The following PITPNC1 variants were observed in gnomAD, a reference collection of about 807,000 sequenced individuals.
The protein encoded by PITPNC1 is phosphatidylinositol transfer protein cytoplasmic 1.
A neutral mutation model predicts 44.7 loss-of-function variants in PITPNC1; 18 were observed. The ratio of observed to expected loss-of-function variants is 0.40; its 90% CI spans 0.28 to 0.60. The LOEUF (loss-of-function observed/expected upper bound fraction) is 0.60. PITPNC1 is among the 20% of genes least tolerant of loss of function. PITPNC1 has a pLI of 0.39. For synonymous variants in PITPNC1, 141 were observed against 149.6 expected (o/e 0.94, Z 0.42); for missense variants, 290 against 418.4 (o/e 0.69, Z 2.68).
chr17:67,459,288 T>A lies in PITPNC1; in HGVS notation c.49-73514T>A, dbSNP rs1274623545. ...GTGGGCCACCACATCCAGCTAATTT[T>A]GTATTTTTAGTAGAGAAGGGGTTTC... is the stretch of plus-strand genomic sequence containing the variant. On this transcript the variant is annotated intron_variant, in intron 1 of 8. Transcript: ENST00000581322. 3.3e-5 allele frequency among the ~76,000 whole-genome samples: 5 copies of A among 152,006 alleles called. No individual in the cohort carries two copies. In the East Asian group the frequency reaches 9.6e-4, roughly 29 times the overall value.
At chr17:67,387,689 C>A (rs968167128) in intron 1 of PITPNC1, among the ~76,000 whole-genome samples, 1 of 152,092 alleles carries the variant, frequency 6.6e-6, no homozygotes, top group East Asian at 1.9e-4. Context: ...ATAAAATAAT[C>A]TTTTCCTTAA....
At chr17:67,469,527 C>T (rs1478690419) in intron 1 of PITPNC1, among the ~76,000 whole-genome samples, 1 of 152,186 alleles carries the variant, frequency 6.6e-6, no homozygotes, top group African/African-American at 2.4e-5. Flanking sequence ...TCCTCCTCAG[C>T]GTCCTGAGCC....
chr17:67,616,472 G>A (rs2041758965), intron 5 of PITPNC1, among the ~76,000 whole-genome samples: 1 of 152,088 alleles, frequency 6.6e-6, no homozygotes, highest in African/African-American at 2.4e-5. Flanking sequence ...CATGATCTAG[G>A]GCACCTGATT....
At chr17:67,443,247 G>A (rs934630567) in intron 1 of PITPNC1, among the ~76,000 whole-genome samples, 1 of 151,952 alleles carries the variant, frequency 6.6e-6, no homozygotes, top group African/African-American at 2.4e-5. Context: ...CCTGAATTGT[G>A]CCCCTGTCTC....
intron 1 of PITPNC1, among the ~76,000 whole-genome samples, chr17:67,411,516 A>C (rs1376876238): frequency 6.6e-6 from 1 of 152,122 alleles, no homozygotes; most frequent in African/African-American, 2.4e-5. Flanking sequence ...GCCCAGGGAC[A>C]GAATGCCACT....
chr17:67,450,445 A>G (rs2949947), intron 1 of PITPNC1, among the ~76,000 whole-genome samples: 29,202 of 151,740 alleles, frequency 0.19, 2,990 homozygotes, highest in Non-Finnish European at 0.21. Flanking sequence ...TTTTTTTTGA[A>G]GACGAAGCCT....
At position 67,506,897 on chromosome 17, in the gene PITPNC1, G is replaced by C. The variant is rs180946796; in HGVS notation, c.49-25905G>C. On this transcript the variant is annotated intron_variant, in intron 1 of 8. Transcript: ENST00000581322. ...CAAAACCAGAATTCAAAACTAGGAAGAATATGTACCCAAATGTTAACATTG... is the reference window on the plus strand; with the variant it reads ...CAAAACCAGAATTCAAAACTAGGAACAATATGTACCCAAATGTTAACATTG... Among the ~76,000 whole-genome samples the C allele has an allele frequency of 2.6e-3, 398 of 152,260 alleles. 7 individuals are homozygous for C. Among genetic ancestry groups the C allele is most frequent in the Non-Finnish European group, 3.7e-3 (255 of 68,010 alleles).
At chr17:67,653,175 G>A (rs567080093) in intron 6 of PITPNC1, among the ~76,000 whole-genome samples, 2 of 152,194 alleles carry the variant, frequency 1.3e-5, no homozygotes, top group East Asian at 1.9e-4. Flanking sequence ...CCAGCTACTC[G>A]GGAGGCTGAG....
chr17:67,679,718 G>A lies in PITPNC1; in HGVS notation c.682+4176G>A, dbSNP rs374868542. Among the ~76,000 whole-genome samples, 4 of 152,190 alleles carry A rather than the reference G, an allele frequency of 2.6e-5. No individual in the cohort carries two copies. In the East Asian group the frequency reaches 7.7e-4, roughly 29 times the overall value. ...ACCATTTCCATATTGGAGGAGTTGA[G>A]TGTGTCTTTCAAAGCCGTGATTGGT... On this transcript the variant is annotated intron_variant, in intron 8 of 8. Transcript: ENST00000581322.
intron 1 of PITPNC1, among the ~76,000 whole-genome samples, chr17:67,384,975 A>G (rs2038020248): frequency 6.6e-6 from 1 of 152,234 alleles, no homozygotes; most frequent in Non-Finnish European, 1.5e-5. Flanking sequence ...TTTTCTCAAG[A>G]ACGAGCACAA....
chr17:67,382,868 C>T (rs1385684821), intron 1 of PITPNC1, among the ~76,000 whole-genome samples: 1 of 150,264 alleles, frequency 6.7e-6, no homozygotes, highest in Non-Finnish European at 1.5e-5. Flanking sequence ...TCAGGCGATC[C>T]GCCCACTTTG....
At chr17:67,578,078 C>T (rs201139102) in intron 4 of PITPNC1, 108 bp from the exon 5 acceptor site, 222 of 765,030 alleles carry the variant, frequency 2.9e-4, no homozygotes, top group Middle Eastern at 8.9e-4. Flanking sequence ...ATTTCTGTTC[C>T]GGGACGGTGC....
intron 1 of PITPNC1, among the ~76,000 whole-genome samples, chr17:67,413,365 A>G (rs2038533304): frequency 8.1e-6 from 1 of 123,044 alleles, no homozygotes; most frequent in African/African-American, 3.3e-5. Flanking sequence ...TAGTATGGCA[A>G]TACTGTCAAG....
chr17:67,442,826 G>A (rs574679920), intron 1 of PITPNC1, among the ~76,000 whole-genome samples: 1 of 152,022 alleles, frequency 6.6e-6, no homozygotes, highest in African/African-American at 2.4e-5. Flanking sequence ...CTGCACTACA[G>A]CCTGGGCAAC....
At chr17:67,685,994 C>T (rs2042808215) in intron 8 of PITPNC1, among the ~76,000 whole-genome samples, 1 of 151,814 alleles carries the variant, frequency 6.6e-6, no homozygotes, top group Non-Finnish European at 1.5e-5. Flanking sequence ...CCATGCCCAG[C>T]TAATTTTTGT....
At chr17:67,516,614 G>A (rs79336342) in intron 1 of PITPNC1, among the ~76,000 whole-genome samples, 2,202 of 152,068 alleles carry the variant, frequency 0.014, 64 homozygotes, top group African/African-American at 0.051. Flanking sequence ...TGACCTCCCC[G>A]TTCTTTCTTG....
At chr17:67,429,341 T>G (rs2038821441) in intron 1 of PITPNC1, among the ~76,000 whole-genome samples, 1 of 152,168 alleles carries the variant, frequency 6.6e-6, no homozygotes, top group Admixed American at 6.5e-5. Context: ...GTCAGTAAAA[T>G]TTAAAAGAAA....
At position 67,439,375 on chromosome 17, in the gene PITPNC1, CAA is replaced by C. The variant is rs989954555; in HGVS notation, c.48+61176_48+61177del. Among the ~76,000 whole-genome samples the C allele has an allele frequency of 1.8e-4, 27 of 152,026 alleles. 1 individual carries two copies. Among genetic ancestry groups the C allele is most frequent in the African/African-American group, 6.1e-4 (25 of 41,294 alleles). ...TCATAATAGACTACATTTGCAGAAA[CAA>C]AAGGTTAGGAATAAAAAGATGACTT... On this transcript the variant is annotated intron_variant, in intron 1 of 8. Transcript: ENST00000581322.
intron 6 of PITPNC1, among the ~76,000 whole-genome samples, chr17:67,649,867 G>A (rs191034159): frequency 2.0e-5 from 3 of 152,292 alleles, no homozygotes; most frequent in Admixed American, 2.0e-4. Context: ...TGACTCAGCA[G>A]CAGGTAAATG....
Sources: gnomAD v4.1 joint callset for allele counts (sites outside exome capture counted in the v4.1 genomes callset) on GRCh38, gnomAD v4.1.1 for gene constraint, MANE v1.5 for transcripts, NCBI Gene and HGNC (gene_info 2026-07-23, HGNC 2026-07-21) for gene names.